The following KIAA0825 variants were observed in gnomAD, a reference collection of about 807,000 sequenced individuals.
KIAA0825 encodes KIAA0825, also known as uncharacterized protein KIAA0825.
KIAA0825 carries 119 observed loss-of-function variants against 147.6 expected under a neutral mutation model. The ratio of observed to expected loss-of-function variants is 0.81; its 90% CI spans 0.69 to 0.94. KIAA0825 has a LOEUF of 0.94. Among genes scored for constraint, KIAA0825 ranks in the 40% least tolerant of loss-of-function variants. KIAA0825 has a pLI of 0.00. For missense variants in KIAA0825, 1,381 were observed against 1,472.7 expected, an observed-to-expected ratio of 0.94 and a Z score of 1.02; for synonymous variants, 470 against 518.1, an observed-to-expected ratio of 0.91 and a Z score of 1.26.
At chr5:94,468,426 G>C (rs561579175) in intron 10 of KIAA0825, among the ~76,000 whole-genome samples, 3 of 152,296 alleles carry the variant, frequency 2.0e-5, no homozygotes, top group African/African-American at 7.2e-5. Flanking sequence ...GGCAAATAAG[G>C]AAAATATGAT....
intron 20 of KIAA0825, among the ~76,000 whole-genome samples, chr5:94,183,759 T>G (rs1054475223): frequency 2.0e-5 from 3 of 152,228 alleles, no homozygotes; most frequent in Non-Finnish European, 4.4e-5. Context: ...GCTTTTGTGC[T>G]CAGGCAGGAC....
At chr5:94,440,725 G>A (rs1225788666) in intron 13 of KIAA0825, among the ~76,000 whole-genome samples, 4 of 151,848 alleles carry the variant, frequency 2.6e-5, no homozygotes, top group East Asian at 3.9e-4. Flanking sequence ...AGGCAAATAC[G>A]CTTCTGCTTG....
At chr5:94,568,345 C>T (rs1463956951) in intron 2 of KIAA0825, 6 of 155,806 alleles carry the variant, frequency 3.9e-5, no homozygotes, top group East Asian at 1.8e-4. Flanking sequence ...CATACACCAA[C>T]GCCTGAGCCC....
intron 20 of KIAA0825, among the ~76,000 whole-genome samples, chr5:94,236,630 G>T (rs987976957): frequency 6.6e-6 from 1 of 152,112 alleles, no homozygotes; most frequent in Non-Finnish European, 1.5e-5. Flanking sequence ...AAACAGCATC[G>T]CATTCTACAG....
chr5:94,181,641 G>A (rs1769624984), intron 20 of KIAA0825, among the ~76,000 whole-genome samples: 1 of 152,116 alleles, frequency 6.6e-6, no homozygotes, highest in Non-Finnish European at 1.5e-5. Flanking sequence ...ACTGCTGTAA[G>A]ACATGCCATG....
intron 20 of KIAA0825, among the ~76,000 whole-genome samples, chr5:94,370,307 A>T (rs1489014190): frequency 6.6e-6 from 1 of 152,190 alleles, no homozygotes; most frequent in African/African-American, 2.4e-5. Context: ...GCACAGAGGA[A>T]TTTTTGAGGG....
At chr5:94,225,906 A>T (rs1774118639) in intron 20 of KIAA0825, among the ~76,000 whole-genome samples, 1 of 152,386 alleles carries the variant, frequency 6.6e-6, no homozygotes, top group African/African-American at 2.4e-5. Flanking sequence ...AAAACCATAA[A>T]AACCCTAGAA....
chr5:94,442,399 G>T (rs1398144140), intron 13 of KIAA0825, among the ~76,000 whole-genome samples: 1 of 152,120 alleles, frequency 6.6e-6, no homozygotes, highest in Admixed American at 6.6e-5. Context: ...TGCCTTGGGT[G>T]AGTGGTAAAG....
intron 14 of KIAA0825, among the ~76,000 whole-genome samples, chr5:94,435,813 T>G (rs2150814949): frequency 6.6e-6 from 1 of 152,328 alleles, no homozygotes; most frequent in South Asian, 2.1e-4. Flanking sequence ...TGATAGCCAT[T>G]CTGACTGGTG....
chr5:94,515,313 G>A (rs937188739), intron 5 of KIAA0825, among the ~76,000 whole-genome samples: 1 of 152,104 alleles, frequency 6.6e-6, no homozygotes, highest in Non-Finnish European at 1.5e-5. Flanking sequence ...CTCCTGAAAC[G>A]TAGATGATAT....
chr5:94,582,517 CAGA>C lies in KIAA0825; in HGVS notation c.-89_-87del, dbSNP rs1220729870. On this transcript the variant is annotated 5_prime_UTR_variant, in exon 2 of 21. Transcript: ENST00000682413. ...AAATTATTTCCTGAAGAGTTGTCAG[CAGA>C]AGAACTGTCTCTTTTCTAGTAACTT... 6.6e-6 allele frequency: 1 copy of C among 152,088 alleles called. No homozygotes were observed. The highest frequency in any genetic ancestry group is 1.9e-4 in the East Asian group (1 of 5,192). 9.4% of individuals were successfully genotyped at this position (152,088 alleles called of 1,614,324 possible).
chr5:94,372,414 A>G (rs1327038377), intron 20 of KIAA0825, among the ~76,000 whole-genome samples: 1 of 152,230 alleles, frequency 6.6e-6, no homozygotes, highest in Non-Finnish European at 1.5e-5. Context: ...AGGCATTTCC[A>G]TACATCCTCT....
intron 20 of KIAA0825, among the ~76,000 whole-genome samples, chr5:94,167,382 A>G (rs1768146264): frequency 6.6e-6 from 1 of 152,210 alleles, no homozygotes; most frequent in Non-Finnish European, 1.5e-5. Flanking sequence ...ACACTTTAAT[A>G]GTTTTGTTTT....
In KIAA0825 at chr5:94,258,035, T is replaced by A. The variant is rs184078177; in HGVS notation, c.3711-103911A>T. Reference sequence around the variant, plus strand: ...AAAAGAAATATGTATGGAGCACGTGTATGATGTTAAAATGAATAACAGCTT... The same window carrying A: ...AAAAGAAATATGTATGGAGCACGTGAATGATGTTAAAATGAATAACAGCTT... On this transcript the variant is annotated intron_variant, in intron 20 of 20. Transcript: ENST00000682413. Among the ~76,000 whole-genome samples the A allele has an allele frequency of 1.1e-3, 165 of 152,164 alleles. 1 individual carries two copies. The highest frequency in any genetic ancestry group is 3.5e-3 in the African/African-American group (146 of 41,572).
intron 20 of KIAA0825, among the ~76,000 whole-genome samples, chr5:94,355,898 T>A (rs1784188195): frequency 6.6e-6 from 1 of 152,222 alleles, no homozygotes; most frequent in Non-Finnish European, 1.5e-5. Context: ...GAGATTTAAA[T>A]AGTAGGTGAA....
At chr5:94,378,522 T>A (rs1171069405) in intron 20 of KIAA0825, among the ~76,000 whole-genome samples, 1 of 138,726 alleles carries the variant, frequency 7.2e-6, no homozygotes, top group Non-Finnish European at 1.7e-5. Context: ...GCATTTAGGT[T>A]GATTCCATGT....
chr5:94,160,407 G>A (rs1473691327), intron 20 of KIAA0825, among the ~76,000 whole-genome samples: 1 of 149,222 alleles, frequency 6.7e-6, no homozygotes, highest in Non-Finnish European at 1.5e-5. Context: ...AGTAATATAT[G>A]TATACAGTAT....
chr5:94,403,096 A>G (rs1751605056), intron 16 of KIAA0825, among the ~76,000 whole-genome samples: 1 of 152,168 alleles, frequency 6.6e-6, no homozygotes, highest in Non-Finnish European at 1.5e-5. Flanking sequence ...ACATGTACTT[A>G]CCAAACTGGG....
rs536104847 is a variant in KIAA0825, at chr5:94,520,475, A to G, written c.743T>C (p.Met248Thr). Residue 248 changes from methionine (M) to threonine (T), a missense_variant, in exon 5 of 21, where the codon ATG (methionine) becomes ACG (threonine). Physicochemically the swap from Met to Thr is moderately conservative, Grantham distance 81 (BLOSUM62 -1). Coordinates refer to ENST00000682413, the MANE Select transcript of KIAA0825 (RefSeq NM_001145678.3). ...TTTTATTACTGAGTATAACTTAAGC[A>G]TTGTACTTTGATATCCATGAGCTAT... ...DVIAHGYQSTMLKLYSVIKED... is the reference protein window; with the variant it reads ...DVIAHGYQSTTLKLYSVIKED... 2 of 1,612,830 alleles carry G rather than the reference A, an allele frequency of 1.2e-6. No homozygotes were observed. The highest frequency in any genetic ancestry group is 1.7e-6 in the Non-Finnish European group (2 of 1,179,002).
Sources: gnomAD v4.1 joint callset for allele counts (sites outside exome capture counted in the v4.1 genomes callset) on GRCh38, gnomAD v4.1.1 for gene constraint, MANE v1.5 for transcripts, NCBI Gene and HGNC (gene_info 2026-07-23, HGNC 2026-07-21) for gene names.